The following HGF variants were observed in gnomAD, a reference collection of about 807,000 sequenced individuals.
HGF encodes hepatocyte growth factor.
Under a neutral mutation model 111.6 loss-of-function variants are expected in HGF, and 39 were observed. The observed-to-expected ratio is 0.35, with a 90% confidence interval of 0.27 to 0.46. HGF has a LOEUF of 0.46. Ranked by LOEUF, HGF falls within the 20% of genes least tolerant of loss-of-function variation. HGF has a pLI of 1.00. For missense variants in HGF, 735 were observed against 910.5 expected, an observed-to-expected ratio of 0.81 and a Z score of 2.48; for synonymous variants, 285 against 294.8, an observed-to-expected ratio of 0.97 and a Z score of 0.34.
Position 81,743,353 on chromosome 7 carries a change from C to T in HGF, c.865G>A (p.Ala289Thr), listed in dbSNP as rs764746019. 37 of 1,563,004 alleles carry T rather than the reference C, an allele frequency of 2.4e-5. No individual in the cohort carries two copies. The highest frequency in any genetic ancestry group is 2.9e-5 in the Non-Finnish European group (33 of 1,133,426). The change falls in exon 7 of 18, where the codon GCT (alanine) becomes ACT (threonine). Residue 289 changes from alanine (A) to threonine (T), a missense_variant and splice_region_variant. Ala to Thr is a moderately conservative substitution (Grantham distance 58). Coordinates refer to ENST00000222390, the MANE Select transcript of HGF (RefSeq NM_000601.6). ...RWEYCAIKTC[A>T]DNTMNDTDVP... The stretch of plus-strand genomic sequence containing the variant: ...AGCAATAAATTTGACCTTCACTTAC[C>T]GCATGTTTTAATTGCACAGTACTCC...
chr7:81,713,287 G>A (rs1476975757), intron 11 of HGF, among the ~76,000 whole-genome samples: 1 of 152,098 alleles, frequency 6.6e-6, no homozygotes, highest in Non-Finnish European at 1.5e-5. Context: ...AGCATTCTGG[G>A]AGGCCGAGGC....
intron 11 of HGF, among the ~76,000 whole-genome samples, chr7:81,716,086 A>C (rs1439271807): frequency 1.3e-5 from 2 of 152,168 alleles, no homozygotes; most frequent in Non-Finnish European, 2.9e-5. Context: ...CTTCCATCTC[A>C]ATACGTATTA....
At chr7:81,736,664 A>C in intron 7 of HGF, 1 of 451,560 alleles carries the variant, frequency 2.2e-6, no homozygotes. Flanking sequence ...TGAAAGCAGA[A>C]GGCATGGCTG....
intron 1 of HGF, among the ~76,000 whole-genome samples, chr7:81,765,425 C>T (rs1267135698): frequency 1.3e-5 from 2 of 152,034 alleles, no homozygotes; most frequent in African/African-American, 4.8e-5. Flanking sequence ...GATCGAAAAG[C>T]ATTTTGAAAA....
intron 1 of HGF, among the ~76,000 whole-genome samples, chr7:81,767,650 G>A (rs900473099): frequency 1.3e-5 from 2 of 152,072 alleles, no homozygotes; most frequent in East Asian, 1.9e-4. Flanking sequence ...CAAAGATGGC[G>A]GGGGCCCATT....
chr7:81,729,712 T>C lies in HGF; in HGVS notation c.933A>G (p.Glu311=), dbSNP rs1236913231. Residue 311 remains glutamate (E), a synonymous_variant, in exon 8 of 18, where the codon GAA becomes GAG. Coordinates refer to ENST00000222390, the MANE Select transcript of HGF (RefSeq NM_000601.6). ...ETTECIQGQG[E]GYRGTVNTIW... is the part of the protein sequence containing the mutation. ...TGGTATTGACAGTGCCCCTGTAGCC[T>C]TCTCCTTGACCTTGGATGCATTCAG... 5 of 1,613,888 alleles carry C rather than the reference T, an allele frequency of 3.1e-6. No homozygotes were observed. The South Asian group carries it at 4.4e-5, about 14-fold the overall frequency.
chr7:81,703,565 ATATAAT>A (rs1436682766), intron 17 of HGF, among the ~76,000 whole-genome samples: 5 of 148,906 alleles, frequency 3.4e-5, no homozygotes, highest in African/African-American at 1.2e-4. Flanking sequence ...ATTCATATAA[ATATAAT>A]TATATAAAAA....
Position 81,699,729 on chromosome 7 carries a change from C to A in HGF, c.*2852G>T, listed in dbSNP as rs1789236337. On this transcript the variant is annotated 3_prime_UTR_variant, in exon 18 of 18. Transcript: ENST00000222390. ...TCACTTTGTACAGTACCATTGGTAC[C>A]AACAAGAAATATTCACAGGAATAAG... 2 of 151,488 alleles carry A rather than the reference C, an allele frequency of 1.3e-5. No individual in the cohort carries two copies. Among genetic ancestry groups the A allele is most frequent in the South Asian group, 4.1e-4 (2 of 4,824 alleles). 9.4% of individuals were successfully genotyped at this position (151,488 alleles called of 1,614,324 possible).
chr7:81,758,289 A>G (rs1241120986), intron 3 of HGF, among the ~76,000 whole-genome samples: 2 of 152,042 alleles, frequency 1.3e-5, no homozygotes, highest in Non-Finnish European at 2.9e-5. Flanking sequence ...CATCACTATA[A>G]TTTAGTTATC....
At chr7:81,737,502 T>G (rs1169074034) in intron 7 of HGF, among the ~76,000 whole-genome samples, 1 of 152,048 alleles carries the variant, frequency 6.6e-6, no homozygotes, top group Non-Finnish European at 1.5e-5. Flanking sequence ...ATCAAAACTA[T>G]TTTCACAGTA....
At chr7:81,725,531 T>A (rs1789982951) in intron 9 of HGF, among the ~76,000 whole-genome samples, 1 of 152,210 alleles carries the variant, frequency 6.6e-6, no homozygotes, top group Non-Finnish European at 1.5e-5. Flanking sequence ...TTTCTAACTC[T>A]GCGACATTTT....
intron 10 of HGF, among the ~76,000 whole-genome samples, chr7:81,718,810 A>T (rs1284230399): frequency 6.6e-6 from 1 of 152,146 alleles, no homozygotes; most frequent in Non-Finnish European, 1.5e-5. Flanking sequence ...AAATCACTGA[A>T]GGCAACACTT....
At chr7:81,713,884 T>C (rs2115821064) in intron 11 of HGF, among the ~76,000 whole-genome samples, 1 of 152,232 alleles carries the variant, frequency 6.6e-6, no homozygotes, top group Non-Finnish European at 1.5e-5. Flanking sequence ...TCTACAAAAA[T>C]ATATGTGATA....
intron 7 of HGF, 64 bp from the exon 8 acceptor site, chr7:81,729,843 C>G: frequency 6.7e-7 from 1 of 1,500,368 alleles, no homozygotes; most frequent in Non-Finnish European, 9.2e-7. Context: ...TCATTTGCCT[C>G]TTAGAGTTCA....
At chr7:81,749,705 G>A (rs561844610) in intron 5 of HGF, among the ~76,000 whole-genome samples, 1 of 151,984 alleles carries the variant, frequency 6.6e-6, no homozygotes, top group Non-Finnish European at 1.5e-5. Flanking sequence ...GGTGATAAAT[G>A]TGATAGACGA....
chr7:81,752,683 TG>T, intron 4 of HGF, among the ~76,000 whole-genome samples: 1 of 152,264 alleles, frequency 6.6e-6, no homozygotes, highest in East Asian at 1.9e-4. Flanking sequence ...ATTACTTGTT[TG>T]TTTATTGCTT....
At chr7:81,752,693 T>G (rs1330241489) in intron 4 of HGF, among the ~76,000 whole-genome samples, 1 of 152,126 alleles carries the variant, frequency 6.6e-6, no homozygotes, top group East Asian at 1.9e-4. Flanking sequence ...TGTTTATTGC[T>G]TTTCTTATAA....
intron 7 of HGF, chr7:81,742,649 AG>A: frequency 8.6e-7 from 1 of 1,166,236 alleles, no homozygotes; most frequent in South Asian, 2.3e-5. Flanking sequence ...TTAACCATAG[AG>A]GAGAGGACCA....
intron 8 of HGF, 22 bp downstream of exon 8, chr7:81,729,583 A>G (rs1434928893): frequency 3.8e-6 from 6 of 1,580,540 alleles, no homozygotes; most frequent in Non-Finnish European, 5.2e-6. Context: ...TGAAATGTAT[A>G]ACATTTGCCT....
Sources: gnomAD v4.1 joint callset for allele counts (sites outside exome capture counted in the v4.1 genomes callset) on GRCh38, gnomAD v4.1.1 for gene constraint, MANE v1.5 for transcripts, NCBI Gene and HGNC (gene_info 2026-07-23, HGNC 2026-07-21) for gene names.